Variants in BLTP2 observed in about 807,000 individuals in gnomAD.
BLTP2 encodes bridge-like lipid transfer protein family member 2.
At chr17:28,615,751 G>A in the BLTP2 span, 1 of 1,614,110 alleles carries the variant, frequency 6.2e-7, no homozygotes, top group Non-Finnish European at 8.5e-7. Flanking sequence ...ACTCCAGACA[G>A]GGCAGCACCA....
At chr17:28,624,520 C>G in the BLTP2 span, 2 of 704,566 alleles carry the variant, frequency 2.8e-6, no homozygotes. Flanking sequence ...CCTCCCAAAC[C>G]TAAAACTCTA....
chr17:28,636,682 G>A, the BLTP2 span, among the ~76,000 whole-genome samples: 3 of 152,060 alleles, frequency 2.0e-5, no homozygotes, highest in East Asian at 1.9e-4. Flanking sequence ...AAAAACATAC[G>A]AGCTAGAAAA....
chr17:28,644,567 C>T, the BLTP2 span, among the ~76,000 whole-genome samples: 28 of 152,348 alleles, frequency 1.8e-4, no homozygotes, highest in Non-Finnish European at 3.1e-4. Flanking sequence ...ACCCTCCAGA[C>T]AGGTATCCAC....
At chr17:28,624,287 G>A in the BLTP2 span, 1 of 1,614,172 alleles carries the variant, frequency 6.2e-7, no homozygotes, top group East Asian at 2.2e-5. Flanking sequence ...CATCCGTCTG[G>A]CAGGCAGCAA....
At chr17:28,636,886 A>C in the BLTP2 span, 1 of 816,118 alleles carries the variant, frequency 1.2e-6, no homozygotes, top group Non-Finnish European at 1.8e-6. Context: ...AAAGACAAGA[A>C]AAAAAAAAAA....
chr17:28,615,688 G>C, the BLTP2 span: 1 of 1,614,086 alleles, frequency 6.2e-7, no homozygotes, highest in Non-Finnish European at 8.5e-7. Context: ...CTTTGCGGCT[G>C]TCCCTTTTGA....
the BLTP2 span, among the ~76,000 whole-genome samples, chr17:28,629,332 C>T: frequency 6.6e-6 from 1 of 151,830 alleles, no homozygotes; most frequent in South Asian, 2.1e-4. Context: ...ACTCCATCAC[C>T]CACGCTGGAG....
At chr17:28,619,880 G>T in the BLTP2 span, 1 of 1,613,882 alleles carries the variant, frequency 6.2e-7, no homozygotes, top group Non-Finnish European at 8.5e-7. Context: ...GAATACATCT[G>T]CTTCTCCAGC....
the BLTP2 span, among the ~76,000 whole-genome samples, chr17:28,629,011 T>C: frequency 6.6e-6 from 1 of 152,112 alleles, no homozygotes; most frequent in East Asian, 1.9e-4. Context: ...TTGGCTTTTA[T>C]ATTATATTAC....
At chr17:28,623,940 T>C in the BLTP2 span, 1 of 1,613,904 alleles carries the variant, frequency 6.2e-7, no homozygotes, top group Admixed American at 1.7e-5. Context: ...TGACACAGCC[T>C]TCTGTCTCTG....
At chr17:28,629,856 C>T in the BLTP2 span, among the ~76,000 whole-genome samples, 2 of 152,088 alleles carry the variant, frequency 1.3e-5, no homozygotes, top group African/African-American at 2.4e-5. Flanking sequence ...CTCGACTGAT[C>T]CATCTGCCTC....
chr17:28,616,953 G>A, the BLTP2 span: 9 of 1,613,996 alleles, frequency 5.6e-6, no homozygotes, highest in African/African-American at 1.3e-5. This position sits in a 1 kb window ranked among gnomAD's most constrained non-coding sequence, Gnocchi z 4.8. Flanking sequence ...GAGGCGGAGA[G>A]CTAGCTGTCG....
chr17:28,619,306 C>G, the BLTP2 span, among the ~76,000 whole-genome samples: 7 of 151,950 alleles, frequency 4.6e-5, no homozygotes, highest in Non-Finnish European at 1.0e-4. Context: ...ATTTTCAGTT[C>G]AGATGCATAG....
chr17:28,625,057 G>A, the BLTP2 span, among the ~76,000 whole-genome samples: 1 of 152,102 alleles, frequency 6.6e-6, no homozygotes, highest in Admixed American at 6.5e-5. Flanking sequence ...GTTTAACGGG[G>A]CCAGGCGCGG....
At chr17:28,637,714 C>T in the BLTP2 span, 2 of 861,904 alleles carry the variant, frequency 2.3e-6, no homozygotes, top group South Asian at 1.7e-5. Flanking sequence ...CTCGTTTGCC[C>T]AGGCTCGAGT....
chr17:28,644,854 C>T, the BLTP2 span: 1 of 725,760 alleles, frequency 1.4e-6, no homozygotes, highest in East Asian at 2.8e-5. Flanking sequence ...CGCCGCGCGC[C>T]CCCTCCCTCC....
the BLTP2 span, chr17:28,635,751 C>T: frequency 2.5e-6 from 2 of 806,160 alleles, no homozygotes; most frequent in Non-Finnish European, 3.8e-6. Context: ...TAATTACTGC[C>T]TTGCTTTGTT....
chr17:28,634,439 T>C, the BLTP2 span: 5 of 1,425,930 alleles, frequency 3.5e-6, no homozygotes, highest in Admixed American at 1.1e-4. Flanking sequence ...TATAACCTAG[T>C]TCCTCTGAAA....
the BLTP2 span, chr17:28,643,146 CAGG>C: frequency 1.1e-5 from 18 of 1,614,146 alleles, 1 homozygote; most frequent in Admixed American, 1.7e-5. Context: ...TCCAGGATAG[CAGG>C]AGAAGTTGTC....
Sources: allele counts gnomAD v4.1 joint callset (sites outside exome capture counted in the v4.1 genomes callset), GRCh38; gene constraint gnomAD v4.1.1; non-coding constraint Gnocchi (gnomAD v3.1); transcripts MANE v1.5; gene names NCBI Gene and HGNC (gene_info 2026-07-23, HGNC 2026-07-21).